PEX5L: variants seen among roughly 807,000 people sequenced by gnomAD.
The protein encoded by PEX5L is peroxisomal biogenesis factor 5 like.
Under a neutral mutation model 84.0 loss-of-function variants are expected in PEX5L, and 30 were observed. That is an observed-to-expected ratio of 0.36 (90% CI 0.27 to 0.48). The LOEUF is 0.48. Among genes scored for constraint, PEX5L ranks in the 20% least tolerant of loss-of-function variants. The probability of loss-of-function intolerance (pLI) is 0.99; values close to 1 mark genes in which losing one functional copy is unlikely to be tolerated. For synonymous variants in PEX5L, 270 were observed against 283.1 expected, an observed-to-expected ratio of 0.95 and a Z score of 0.46; for missense variants, 533 against 754.6, an observed-to-expected ratio of 0.71 and a Z score of 3.44.
At chr3:179,948,380 C>G (rs1234159117) in intron 2 of PEX5L, among the ~76,000 whole-genome samples, 1 of 152,172 alleles carries the variant, frequency 6.6e-6, no homozygotes, top group Non-Finnish European at 1.5e-5. Flanking sequence ...TCTAAAGTAT[C>G]TTCCAAAAAC....
chr3:179,992,012 TAGA>T (rs1471106514), intron 1 of PEX5L, among the ~76,000 whole-genome samples: 32 of 152,318 alleles, frequency 2.1e-4, no homozygotes, highest in Middle Eastern at 3.4e-3. Context: ...TCTTAAAACA[TAGA>T]AGGAGACAAT....
intron 8 of PEX5L, among the ~76,000 whole-genome samples, chr3:179,854,060 G>T (rs73058671): frequency 0.015 from 2,146 of 140,664 alleles, 51 homozygotes; most frequent in African/African-American, 0.047. Flanking sequence ...CAATCTGCCT[G>T]CCCAGGAGTT....
intron 1 of PEX5L, among the ~76,000 whole-genome samples, chr3:180,023,485 C>T (rs893987093): frequency 1.6e-4 from 25 of 152,108 alleles, no homozygotes; most frequent in Non-Finnish European, 2.8e-4. Context: ...AAATATCAAG[C>T]TTCTCGATGT....
intron 1 of PEX5L, among the ~76,000 whole-genome samples, chr3:179,987,642 G>C (rs1367891856): frequency 2.0e-5 from 3 of 152,048 alleles, no homozygotes; most frequent in Non-Finnish European, 4.4e-5. Context: ...TCTAGTTCTG[G>C]CCTGACCAAT....
intron 4 of PEX5L, among the ~76,000 whole-genome samples, chr3:179,881,920 C>T (rs1754277406): frequency 1.3e-5 from 2 of 152,148 alleles, no homozygotes; most frequent in South Asian, 2.1e-4. Context: ...AGTACTTGAA[C>T]GTGGAGGGAA....
chr3:179,829,752 A>G (rs1379987101), intron 8 of PEX5L, among the ~76,000 whole-genome samples: 1 of 150,810 alleles, frequency 6.6e-6, no homozygotes, highest in East Asian at 1.9e-4. Context: ...TTGGTGATAA[A>G]TAATTTAAAC....
intron 1 of PEX5L, among the ~76,000 whole-genome samples, chr3:180,024,373 T>TATATATATATATATATACAC (rs1396023654): frequency 1.3e-5 from 1 of 78,990 alleles, no homozygotes; most frequent in African/African-American, 9.5e-5. Flanking sequence ...TATATATATA[T>TATATATATATATATATACAC]ACACACACAA....
intron 4 of PEX5L, among the ~76,000 whole-genome samples, chr3:179,884,993 A>G (rs1041526308): frequency 2.8e-5 from 4 of 140,680 alleles, no homozygotes; most frequent in Non-Finnish European, 4.6e-5. Context: ...GTATTGATTT[A>G]TATAAAAACT....
intron 1 of PEX5L, among the ~76,000 whole-genome samples, chr3:180,033,288 C>T (rs897119209): frequency 2.1e-4 from 32 of 152,248 alleles, no homozygotes; most frequent in African/African-American, 7.2e-4. Flanking sequence ...TGGAATGATT[C>T]CCCAGACAGC....
chr3:180,014,643 A>T (rs897823257), intron 1 of PEX5L, among the ~76,000 whole-genome samples: 1 of 152,206 alleles, frequency 6.6e-6, no homozygotes, highest in African/African-American at 2.4e-5. Context: ...AAGTAGTGTA[A>T]AAGAAGCTAA....
At position 179,795,453 on chromosome 3, in the gene PEX5L, C is replaced by T. The variant is rs1003482493; in HGVS notation, c.*6375G>A. ...GTAGTAATTTTATTTCAAAGAGCAA[C>T]GCAGGGAAATACTAAGATGAAGCCT... On this transcript the variant is annotated 3_prime_UTR_variant, in exon 15 of 15. Transcript: ENST00000467460. 4 of 152,050 alleles carry T rather than the reference C, an allele frequency of 2.6e-5. No homozygotes were observed. The highest frequency in any genetic ancestry group is 4.4e-5 in the Non-Finnish European group (3 of 68,000). The allele number at this position is 152,050 out of a possible 1,614,324, so 9.4% of individuals were successfully genotyped here. A position where few individuals can be genotyped will look rare whatever the true frequency, so the allele number is the denominator to read the frequency against.
chr3:179,862,311 A>C (rs1746491197), intron 7 of PEX5L, among the ~76,000 whole-genome samples: 1 of 152,218 alleles, frequency 6.6e-6, no homozygotes. Context: ...TCTGGCCACC[A>C]TTCAGCCAAC....
intron 8 of PEX5L, among the ~76,000 whole-genome samples, chr3:179,839,833 A>T (rs1405685120): frequency 1.3e-5 from 2 of 151,682 alleles, no homozygotes; most frequent in South Asian, 4.1e-4. Context: ...GCAAATAAAT[A>T]ATTGTTAGAA....
intron 7 of PEX5L, among the ~76,000 whole-genome samples, chr3:179,861,574 C>T (rs1410157081): frequency 6.6e-6 from 1 of 152,212 alleles, no homozygotes; most frequent in Non-Finnish European, 1.5e-5. Context: ...CAGCGCCTCA[C>T]TGTTGGGTGG....
chr3:179,909,233 C>T (rs1009581785), intron 2 of PEX5L, among the ~76,000 whole-genome samples: 1 of 151,986 alleles, frequency 6.6e-6, no homozygotes, highest in Non-Finnish European at 1.5e-5. Flanking sequence ...CAGTTTAGGG[C>T]AATTATAGAG....
chr3:179,970,657 G>A (rs532297060), intron 2 of PEX5L, among the ~76,000 whole-genome samples: 8 of 152,200 alleles, frequency 5.3e-5, no homozygotes, highest in African/African-American at 1.9e-4. Context: ...CCTTCTGATG[G>A]TCATTTTTCC....
intron 1 of PEX5L, 62 bp from the exon 2 acceptor site, chr3:179,971,727 C>G: frequency 7.0e-7 from 1 of 1,420,640 alleles, no homozygotes; most frequent in Non-Finnish European, 9.4e-7. Context: ...CTTAATTCTA[C>G]TTAATATTTT....
chr3:179,915,413 A>G (rs988514769), intron 2 of PEX5L, among the ~76,000 whole-genome samples: 1 of 152,182 alleles, frequency 6.6e-6, no homozygotes, highest in Admixed American at 6.5e-5. Context: ...AGAAACTATA[A>G]CTTTAATCGA....
chr3:179,924,608 T>C (rs1334541803), intron 2 of PEX5L, among the ~76,000 whole-genome samples: 2 of 152,154 alleles, frequency 1.3e-5, no homozygotes, highest in African/African-American at 2.4e-5. Context: ...ACCTCCTAAA[T>C]TGGCAAATTG....
Sources: gnomAD v4.1 joint callset for allele counts (sites outside exome capture counted in the v4.1 genomes callset) on GRCh38, gnomAD v4.1.1 for gene constraint, MANE v1.5 for transcripts, NCBI Gene and HGNC (gene_info 2026-07-23, HGNC 2026-07-21) for gene names.